The following ADCY1 variants were observed in gnomAD, a reference collection of about 807,000 sequenced individuals.
ADCY1 encodes adenylate cyclase type 1.
In ADCY1, 28 loss-of-function variants were observed where a neutral mutation model predicts 105.4. The ratio of observed to expected loss-of-function variants is 0.27; its 90% CI spans 0.20 to 0.36. The LOEUF (loss-of-function observed/expected upper bound fraction) is 0.36, where lower values mean the gene tolerates loss of function less well. Among genes scored for constraint, ADCY1 ranks in the 10% least tolerant of loss-of-function variants. The pLI, the probability that ADCY1 is intolerant of heterozygous loss-of-function variation, is 1.00. For synonymous variants in ADCY1, 655 were observed against 623.8 expected, an observed-to-expected ratio of 1.05 and a Z score of -0.75; for missense variants, 977 against 1,434.2, an observed-to-expected ratio of 0.68 and a Z score of 5.15.
chr7:45,583,860 G>A lies in ADCY1; in HGVS notation c.639+8678G>A, dbSNP rs927786251. Among the ~76,000 whole-genome samples the A allele has an allele frequency of 3.3e-5, 5 of 150,120 alleles. No homozygotes were observed. In the East Asian group the frequency reaches 5.9e-4, roughly 18 times the overall value. ...TCTCCATGTTCGTCAGGCTGGTCTC[G>A]AACTCCTGACCTCAGGTGATCCACC... is the stretch of plus-strand genomic sequence containing the variant. On this transcript the variant is annotated intron_variant, in intron 1 of 19. Coordinates refer to ENST00000297323, the MANE Select transcript of ADCY1 (RefSeq NM_021116.4).
At chr7:45,588,739 C>T (rs552772237) in intron 1 of ADCY1, among the ~76,000 whole-genome samples, 5 of 152,236 alleles carry the variant, frequency 3.3e-5, no homozygotes, top group South Asian at 4.2e-4. Context: ...CTTCTCTTCC[C>T]GGCTGTCTGG....
rs1179847651 is a variant in ADCY1 at position 45,589,701 on chromosome 7, G to T, written c.640-3058G>T. 2.6e-5 allele frequency among the ~76,000 whole-genome samples: 4 copies of T among 152,252 alleles called. No homozygotes were observed. The South Asian group carries it at 8.3e-4, about 32-fold the overall frequency. On this transcript the variant is annotated intron_variant, in intron 1 of 19. Transcript: ENST00000297323. ...CTCGGCGGGTGAGCCCTGTGCTCAT[G>T]GGCAGGTGTGGGGCACTTGGCAGAT...
intron 1 of ADCY1, among the ~76,000 whole-genome samples, chr7:45,589,849 G>A (rs1169004692): frequency 2.6e-5 from 4 of 152,042 alleles, no homozygotes; most frequent in South Asian, 2.1e-4. Flanking sequence ...GTTTGATGGC[G>A]CTTTTCCTTT....
In ADCY1 at chr7:45,708,526, G is replaced by C; in HGVS notation, c.2932+62G>C. On this transcript the variant is annotated intron_variant, in intron 18 of 19. Coordinates refer to ENST00000297323, the MANE Select transcript of ADCY1 (RefSeq NM_021116.4). This position sits in a 1 kb window ranked among gnomAD's most constrained non-coding sequence, Gnocchi z 4.7. ...GAACACCTTCCTACACCCACCTAGGGGTGGGATCAGCTGATGAGGTACCCT... is the reference window on the plus strand; with the variant it reads ...GAACACCTTCCTACACCCACCTAGGCGTGGGATCAGCTGATGAGGTACCCT... 6 of 1,311,834 alleles carry C rather than the reference G, an allele frequency of 4.6e-6. No individual in the cohort carries two copies. Among genetic ancestry groups the C allele is most frequent in the Non-Finnish European group, 6.6e-6 (6 of 911,952 alleles). The allele number at this position is 1,311,834 out of a possible 1,614,324, so 81.3% of individuals were successfully genotyped here.
chr7:45,664,338 G>A lies in ADCY1; in HGVS notation c.1605+2124G>A, dbSNP rs1302061718. 8 of 1,535,980 alleles carry A rather than the reference G, an allele frequency of 5.2e-6. No individual in the cohort carries two copies. In the Admixed American group the frequency reaches 1.2e-4, roughly 23 times the overall value. On this transcript the variant is annotated intron_variant, in intron 8 of 19. Transcript: ENST00000297323. Reference sequence around the variant, plus strand: ...GGCCTGGATGTCCTCCTGGGGTTTTGGTCTCCCACCCTGCAACGGGGACGA... The same window carrying A: ...GGCCTGGATGTCCTCCTGGGGTTTTAGTCTCCCACCCTGCAACGGGGACGA...
Position 45,583,946 on chromosome 7 carries a change from T to TTTG in ADCY1, c.639+8766_639+8767insGTT, listed in dbSNP as rs1562673056. 2.9e-4 allele frequency among the ~76,000 whole-genome samples: 42 copies of TTTG among 143,616 alleles called. 1 individual carries two copies. Among genetic ancestry groups the TTTG allele is most frequent in the Non-Finnish European group, 4.6e-4 (30 of 65,798 alleles). The allele number at this position is 143,616 out of a possible 152,430, so 94.2% of individuals were successfully genotyped here. On this transcript the variant is annotated intron_variant, in intron 1 of 19. Coordinates refer to ENST00000297323, the MANE Select transcript of ADCY1 (RefSeq NM_021116.4). ...TGAGCCACTGTGCCCTGTTTTTTTT[T>TTTG]TTTTTTTTTTTTTTTTTTTCAGACA...
chr7:45,643,176 C>T (rs1794571093), intron 4 of ADCY1, among the ~76,000 whole-genome samples: 2 of 134,192 alleles, frequency 1.5e-5, no homozygotes, highest in Non-Finnish European at 3.1e-5. Flanking sequence ...AATCATTTTT[C>T]TAGAAGGCCT....
chr7:45,591,949 AC>A lies in ADCY1; in HGVS notation c.640-809del, dbSNP rs967491334. Among the ~76,000 whole-genome samples, 33 of 152,232 alleles carry A rather than the reference AC, an allele frequency of 2.2e-4. No homozygotes were observed. The highest frequency in any genetic ancestry group is 3.4e-3 in the Middle Eastern group (1 of 294). ...CTGTTGAAGCTGAAGTGGGGACAGG[AC>A]TAAGGGAGAGTGCAGAGACCGGGCT... On this transcript the variant is annotated intron_variant, in intron 1 of 19. Transcript: ENST00000297323. This position sits in a 1 kb window ranked among gnomAD's most constrained non-coding sequence, Gnocchi z 4.1.
At chr7:45,629,533 A>G (rs1676578401) in intron 4 of ADCY1, among the ~76,000 whole-genome samples, 1 of 140,318 alleles carries the variant, frequency 7.1e-6, no homozygotes, top group African/African-American at 2.7e-5. Flanking sequence ...TTTTTTTGAG[A>G]CGGAGTCTCG....
intron 2 of ADCY1, among the ~76,000 whole-genome samples, chr7:45,606,901 T>C (rs900435679): frequency 6.6e-6 from 1 of 152,242 alleles, no homozygotes; most frequent in African/African-American, 2.4e-5. Flanking sequence ...TGACATATGA[T>C]CTGTTCTTGA....
intron 17 of ADCY1, among the ~76,000 whole-genome samples, chr7:45,707,959 A>G (rs1731068910): frequency 6.6e-6 from 1 of 152,232 alleles, no homozygotes; most frequent in African/African-American, 2.4e-5. Flanking sequence ...CACATACATG[A>G]CGATGTAGCC....
intron 19 of ADCY1, among the ~76,000 whole-genome samples, chr7:45,713,492 C>CT (rs1334005230): frequency 2.0e-5 from 3 of 152,232 alleles, no homozygotes. Flanking sequence ...AGGGCTGTGT[C>CT]TTTTTTAACA....
intron 4 of ADCY1, among the ~76,000 whole-genome samples, chr7:45,634,793 C>A (rs1584289728): frequency 1.3e-5 from 2 of 152,274 alleles, no homozygotes; most frequent in African/African-American, 4.8e-5. Context: ...TGGGTTGTAA[C>A]CCCATCAGAA....
Position 45,713,828 on chromosome 7 carries a change from A to G in ADCY1, c.3193A>G (p.Ile1065Val). The G allele has an allele frequency of 3.8e-6, 3 of 780,934 alleles. No homozygotes were observed. The highest frequency in any genetic ancestry group is 1.3e-5 in the South Asian group (1 of 74,628). 48.4% of individuals were successfully genotyped at this position (780,934 alleles called of 1,614,324 possible). The change falls in exon 20 of 20, where the codon ATC becomes GTC. Residue 1065 changes from isoleucine to valine, a missense_variant. Physicochemically the swap from Ile to Val is conservative, Grantham distance 29. Transcript: ENST00000297323. ...CAGGACTGATGGAAACGGCTCCCAA[A>G]TCAGGTCCCTGGGCTTGGATCGGAA... ...EGRTDGNGSQ[I>V]RSLGLDRKMC...
intron 5 of ADCY1, among the ~76,000 whole-genome samples, chr7:45,652,808 T>G: frequency 6.6e-6 from 1 of 152,120 alleles, no homozygotes. Flanking sequence ...GACTTGAAAG[T>G]GGGATCCCAG....
chr7:45,643,324 T>G (rs1794575388), intron 4 of ADCY1, among the ~76,000 whole-genome samples: 1 of 150,896 alleles, frequency 6.6e-6, no homozygotes, highest in South Asian at 2.1e-4. Flanking sequence ...ATATTTCCAA[T>G]TCACTTCACT....
At chr7:45,629,932 A>G (rs779414073) in intron 4 of ADCY1, among the ~76,000 whole-genome samples, 1 of 152,184 alleles carries the variant, frequency 6.6e-6, no homozygotes. Context: ...TCAGCACTTG[A>G]TGTGGTCAGT....
At chr7:45,684,840 A>C in intron 11 of ADCY1, 139 bp from the exon 12 acceptor site, 1 of 671,672 alleles carries the variant, frequency 1.5e-6, no homozygotes, top group Non-Finnish European at 2.6e-6. Context: ...GCCAAGAGAC[A>C]TGTGAGGAGG....
At chr7:45,678,961 CCATGT>C (rs1328110142) in intron 10 of ADCY1, among the ~76,000 whole-genome samples, 1 of 152,034 alleles carries the variant, frequency 6.6e-6, no homozygotes, top group East Asian at 1.9e-4. Flanking sequence ...GCTTCTAAAT[CCATGT>C]CATTTTCAAA....
Sources: gnomAD v4.1 joint callset for allele counts (sites outside exome capture counted in the v4.1 genomes callset) on GRCh38, gnomAD v4.1.1 for gene constraint, Gnocchi (gnomAD v3.1) non-coding constraint, MANE v1.5 for transcripts, NCBI Gene and HGNC (gene_info 2026-07-23, HGNC 2026-07-21) for gene names.